CDH4: variants seen among roughly 807,000 people sequenced by gnomAD.
The protein encoded by CDH4 is cadherin-4.
CDH4 carries 33 observed loss-of-function variants against 86.0 expected under a neutral mutation model. The ratio of observed to expected loss-of-function variants is 0.38; its 90% CI spans 0.29 to 0.51. CDH4 has a LOEUF of 0.51. CDH4 is among the 20% of genes least tolerant of loss of function. CDH4 has a pLI of 0.86. For synonymous variants in CDH4, 555 were observed against 549.4 expected (o/e 1.01, Z -0.14); for missense variants, 1,114 against 1,307.4 (o/e 0.85, Z 2.28).
rs1426335459 is a variant in CDH4, at chr20:61,393,291, A to G, written c.169+138354A>G. ...CACGGGCGAGCCCACACACCTGGAGAGAAACAGAAGGCCCAGCATCCGGTC... is the reference window on the plus strand; with the variant it reads ...CACGGGCGAGCCCACACACCTGGAGGGAAACAGAAGGCCCAGCATCCGGTC... On this transcript the variant is annotated intron_variant, in intron 2 of 15. Transcript: ENST00000614565. This position sits in a 1 kb window ranked among gnomAD's most constrained non-coding sequence, Gnocchi z 4.3. Among the ~76,000 whole-genome samples, 2 of 151,980 alleles carry G rather than the reference A, an allele frequency of 1.3e-5. No individual in the cohort carries two copies. Among genetic ancestry groups the G allele is most frequent in the Non-Finnish European group, 2.9e-5 (2 of 67,980 alleles).
intron 2 of CDH4, among the ~76,000 whole-genome samples, chr20:61,698,539 G>A (rs146348859): frequency 2.0e-5 from 3 of 152,360 alleles, no homozygotes; most frequent in African/African-American, 7.2e-5. Flanking sequence ...TTGGTCAGGC[G>A]GTCAGCAGCA....
intron 2 of CDH4, among the ~76,000 whole-genome samples, chr20:61,366,261 G>A (rs1267904246): frequency 6.6e-6 from 1 of 152,176 alleles, no homozygotes; most frequent in Non-Finnish European, 1.5e-5. Context: ...TGCAGTCCTG[G>A]GAGGTCATTC....
At chr20:61,265,081 CAT>C (rs1473205265) in intron 2 of CDH4, among the ~76,000 whole-genome samples, 6 of 151,332 alleles carry the variant, frequency 4.0e-5, no homozygotes, top group Non-Finnish European at 7.4e-5. Context: ...CAATCTTACA[CAT>C]GTCTCAGTGG....
rs868773211 is a variant in CDH4, at chr20:61,663,304, G to T, written c.170-80259G>T. On this transcript the variant is annotated intron_variant, in intron 2 of 15. Coordinates refer to ENST00000614565, the MANE Select transcript of CDH4 (RefSeq NM_001794.5). This position sits in a 1 kb window ranked among gnomAD's most constrained non-coding sequence, Gnocchi z 5.0. The stretch of plus-strand genomic sequence containing the variant: ...TCCACGCAGGAAAGGAGTGGCACCC[G>T]CAGGAGGCCTGTGCTGCGGAGCTCC... 6.6e-6 allele frequency among the ~76,000 whole-genome samples: 1 copy of T among 152,240 alleles called. No individual in the cohort carries two copies. The highest frequency in any genetic ancestry group is 1.5e-5 in the Non-Finnish European group (1 of 68,040).
intron 2 of CDH4, among the ~76,000 whole-genome samples, chr20:61,455,200 A>G (rs942353543): frequency 1.2e-4 from 18 of 152,202 alleles, no homozygotes; most frequent in Non-Finnish European, 1.9e-4. Flanking sequence ...ATCAAGTCCA[A>G]CTTTGAGATA....
At chr20:61,845,025 G>T (rs1568846079) in intron 5 of CDH4, among the ~76,000 whole-genome samples, 1 of 152,250 alleles carries the variant, frequency 6.6e-6, no homozygotes, top group Admixed American at 6.5e-5. Context: ...AGCAGGGTGG[G>T]CCCAGGGTGG....
At chr20:61,529,489 G>A (rs917934990) in intron 2 of CDH4, among the ~76,000 whole-genome samples, 5 of 152,206 alleles carry the variant, frequency 3.3e-5, no homozygotes, top group African/African-American at 1.2e-4. Context: ...TGGGGTGAAT[G>A]TTGGTTTTTA....
At chr20:61,282,576 T>C (rs2084265537) in intron 2 of CDH4, among the ~76,000 whole-genome samples, 1 of 151,918 alleles carries the variant, frequency 6.6e-6, no homozygotes, top group African/African-American at 2.4e-5. Flanking sequence ...TGTGTGTATG[T>C]CTATCTGTAC....
At position 61,910,405 on chromosome 20, in the gene CDH4, T is replaced by C; in HGVS notation, c.1189-17T>C. 6.2e-7 allele frequency: 1 copy of C among 1,609,358 alleles called. No homozygotes were observed. The highest frequency in any genetic ancestry group is 1.1e-5 in the South Asian group (1 of 91,018). ...ACTTAACACGGGTTTGTGACATTCTTTCCTTCCATTTTGCAGTTTGCAGGG... is the reference window on the plus strand; with the variant it reads ...ACTTAACACGGGTTTGTGACATTCTCTCCTTCCATTTTGCAGTTTGCAGGG... On this transcript the variant is annotated splice_polypyrimidine_tract_variant and intron_variant, in intron 8 of 15. Transcript: ENST00000614565.
chr20:61,299,337 G>A (rs148071894), intron 2 of CDH4, among the ~76,000 whole-genome samples: 138 of 152,258 alleles, frequency 9.1e-4, no homozygotes, highest in African/African-American at 3.1e-3. Flanking sequence ...GAGGGAGCAC[G>A]GCCCTGCAGA....
intron 2 of CDH4, among the ~76,000 whole-genome samples, chr20:61,338,517 GTC>G (rs1309749939): frequency 6.6e-6 from 1 of 152,140 alleles, no homozygotes; most frequent in Non-Finnish European, 1.5e-5. Flanking sequence ...TTGGGGACTT[GTC>G]TCTTGCTGCT....
At chr20:61,483,898 T>C (rs1251663549) in intron 2 of CDH4, among the ~76,000 whole-genome samples, 1 of 152,136 alleles carries the variant, frequency 6.6e-6, no homozygotes, top group Admixed American at 6.5e-5. Context: ...GCTTGTAGTG[T>C]AGTTTTATCT....
At chr20:61,693,481 A>C (rs1360276470) in intron 2 of CDH4, among the ~76,000 whole-genome samples, 1 of 152,234 alleles carries the variant, frequency 6.6e-6, no homozygotes, top group East Asian at 1.9e-4. Flanking sequence ...TGTGGGCTTG[A>C]GTCCCCAAGG....
intron 4 of CDH4, among the ~76,000 whole-genome samples, chr20:61,796,188 A>G (rs1312374133): frequency 1.3e-5 from 2 of 152,044 alleles, no homozygotes; most frequent in African/African-American, 4.8e-5. Flanking sequence ...GAGGAGTGTT[A>G]TCATTTTACT....
chr20:61,594,961 T>C (rs2086544580), intron 2 of CDH4, among the ~76,000 whole-genome samples: 1 of 152,184 alleles, frequency 6.6e-6, no homozygotes, highest in East Asian at 1.9e-4. Flanking sequence ...TCACTGTTTA[T>C]TGAGTATCCT....
intron 2 of CDH4, among the ~76,000 whole-genome samples, chr20:61,564,504 C>T (rs2145691996): frequency 6.6e-6 from 1 of 152,134 alleles, no homozygotes; most frequent in Admixed American, 6.5e-5. Flanking sequence ...ACTGTGGCAC[C>T]TCCCCCTCCC....
At chr20:61,798,137 C>G (rs1383108131) in intron 4 of CDH4, among the ~76,000 whole-genome samples, 10 of 152,160 alleles carry the variant, frequency 6.6e-5, no homozygotes, top group Non-Finnish European at 1.3e-4. Flanking sequence ...AGTCACCGCC[C>G]TCTCACCCTG....
intron 6 of CDH4, among the ~76,000 whole-genome samples, chr20:61,863,316 CT>C (rs1983410327): frequency 6.6e-6 from 1 of 152,206 alleles, no homozygotes; most frequent in Non-Finnish European, 1.5e-5. Flanking sequence ...CAACTCGCTG[CT>C]TCCTTGATGG....
intron 2 of CDH4, among the ~76,000 whole-genome samples, chr20:61,280,988 C>G (rs766296600): frequency 2.6e-5 from 4 of 152,178 alleles, no homozygotes; most frequent in African/African-American, 9.7e-5. Context: ...TTCCATTTTC[C>G]AGGGTGACTA....
Sources: allele counts gnomAD v4.1 joint callset (sites outside exome capture counted in the v4.1 genomes callset), GRCh38; gene constraint gnomAD v4.1.1; non-coding constraint Gnocchi (gnomAD v3.1); transcripts MANE v1.5; gene names NCBI Gene and HGNC (gene_info 2026-07-23, HGNC 2026-07-21).